Variants in LRRC8A observed in about 807,000 individuals in gnomAD.
LRRC8A encodes volume-regulated anion channel subunit LRRC8A.
LRRC8A carries 24 observed loss-of-function variants against 52.5 expected under a neutral mutation model. The ratio of observed to expected loss-of-function variants is 0.46; its 90% CI spans 0.33 to 0.64. The LOEUF (loss-of-function observed/expected upper bound fraction) is 0.64, where lower values mean the gene tolerates loss of function less well. Among genes scored for constraint, LRRC8A ranks in the 30% least tolerant of loss-of-function variants. The pLI is 0.02. For synonymous variants in LRRC8A, 492 were observed against 494.2 expected (o/e 1.00, Z 0.06); for missense variants, 677 against 1,094.7 (o/e 0.62, Z 5.38).
At position 128,916,291 on chromosome 9, in the gene LRRC8A, G is replaced by A. The variant is rs763795899; in HGVS notation, c.2353G>A (p.Val785Met). The change falls in exon 4 of 4, where the codon GTG becomes ATG. Residue 785 changes from valine (V) to methionine (M), a missense_variant. By Grantham distance (21) the Val-to-Met change is conservative. Transcript: ENST00000372600. This position sits in a 1 kb window ranked among gnomAD's most constrained non-coding sequence, Gnocchi z 6.1. ...ECPLLKRSGL[V>M]VEEDLFNTLP... Reference sequence around the variant, plus strand: ...CCCACTGCTCAAGCGCAGCGGCTTGGTGGTGGAGGAGGACCTGTTCAACAC... The same window carrying A: ...CCCACTGCTCAAGCGCAGCGGCTTGATGGTGGAGGAGGACCTGTTCAACAC... The A allele has an allele frequency of 1.9e-6, 3 of 1,613,490 alleles. No individual in the cohort carries two copies. Among genetic ancestry groups the A allele is most frequent in the Non-Finnish European group, 2.5e-6 (3 of 1,179,962 alleles).
rs141935260 is a variant in LRRC8A at position 128,911,980 on chromosome 9, C to T, written c.2157+2659C>T. On this transcript the variant is annotated intron_variant, in intron 3 of 3. Coordinates refer to ENST00000372600, the MANE Select transcript of LRRC8A (RefSeq NM_019594.4). The surrounding 1 kb of genome is among the most constrained non-coding windows in gnomAD (Gnocchi z 4.9). ...AGGAGGGGTGGGCGTGGCCTGCCCA[C>T]GCCCTTGCGTGCTGTTTCTCCAGAT... 2.6e-4 allele frequency among the ~76,000 whole-genome samples: 39 copies of T among 152,380 alleles called. No homozygotes were observed. The highest frequency in any genetic ancestry group is 4.1e-4 in the African/African-American group (17 of 41,592).
At position 128,916,426 on chromosome 9, in the gene LRRC8A, G is replaced by C; in HGVS notation, c.*55G>C. Reference sequence around the variant, plus strand: ...GGACCGCTGCCCAGTCCTCAGGCCCGGAGGGGCAGGCCTAGCTTCTCCCAG... The same window carrying C: ...GGACCGCTGCCCAGTCCTCAGGCCCCGAGGGGCAGGCCTAGCTTCTCCCAG... On this transcript the variant is annotated 3_prime_UTR_variant, in exon 4 of 4. Transcript: ENST00000372600. This position sits in a 1 kb window ranked among gnomAD's most constrained non-coding sequence, Gnocchi z 6.1. 2 of 1,549,892 alleles carry C rather than the reference G, an allele frequency of 1.3e-6. No homozygotes were observed. The highest frequency in any genetic ancestry group is 1.7e-6 in the Non-Finnish European group (2 of 1,147,230).
intron 2 of LRRC8A, among the ~76,000 whole-genome samples, chr9:128,905,087 A>G (rs1057422078): frequency 2.0e-5 from 3 of 151,062 alleles, no homozygotes; most frequent in Non-Finnish European, 4.4e-5. Context: ...AGGTAGGAGG[A>G]TTGCTTGACC....
intron 3 of LRRC8A, among the ~76,000 whole-genome samples, chr9:128,914,330 G>A (rs916412332): frequency 1.6e-4 from 25 of 152,060 alleles, no homozygotes; most frequent in Non-Finnish European, 3.7e-4. Flanking sequence ...GCTGGAGAGA[G>A]CAGGTGCCCG....
rs530273804 is a variant in LRRC8A at position 128,907,776 on chromosome 9, C to T, written c.612C>T (p.Asp204=). The change falls in exon 3 of 4, where the codon GAC becomes GAT. Residue 204 remains aspartate (D), a synonymous_variant. Transcript: ENST00000372600. The surrounding 1 kb of genome is among the most constrained non-coding windows in gnomAD (Gnocchi z 9.3). ...AAAAGTCATCGACCGTCAGTGAGGA[C>T]GTGGAGGCCACCGTGCCCATGCTGC... is the stretch of plus-strand genomic sequence containing the variant. The part of the protein sequence containing the change: ...MDKKSSTVSE[D]VEATVPMLQR... The T allele has an allele frequency of 3.7e-5, 60 of 1,613,874 alleles. No individual in the cohort carries two copies. The highest frequency in any genetic ancestry group is 8.9e-5 in the East Asian group (4 of 44,880).
chr9:128,891,366 C>G (rs936673540), intron 2 of LRRC8A, among the ~76,000 whole-genome samples: 1 of 151,928 alleles, frequency 6.6e-6, no homozygotes, highest in East Asian at 1.9e-4. Context: ...GAGTTCCAGA[C>G]CAGCCTGGGC....
chr9:128,896,807 C>T (rs574592686), intron 2 of LRRC8A, among the ~76,000 whole-genome samples: 167 of 152,234 alleles, frequency 1.1e-3, no homozygotes, highest in African/African-American at 3.9e-3. Context: ...CCGCAACCTC[C>T]GCCCCCTGAG....
chr9:128,891,224 A>T (rs1454194394), intron 2 of LRRC8A, among the ~76,000 whole-genome samples: 1 of 152,136 alleles, frequency 6.6e-6, no homozygotes, highest in Non-Finnish European at 1.5e-5. Flanking sequence ...GTGAGCCGAG[A>T]TTGTGCCACT....
intron 2 of LRRC8A, among the ~76,000 whole-genome samples, chr9:128,888,399 T>G (rs148010282): frequency 6.6e-6 from 1 of 152,034 alleles, no homozygotes; most frequent in Admixed American, 6.6e-5. Context: ...CTGAGACAAA[T>G]TGAGTCTGAG....
intron 2 of LRRC8A, among the ~76,000 whole-genome samples, chr9:128,901,469 A>T (rs1244739041): frequency 6.6e-6 from 1 of 151,996 alleles, no homozygotes; most frequent in Non-Finnish European, 1.5e-5. Flanking sequence ...TCAAAAAAAA[A>T]ATTTTTTTTT....
chr9:128,884,236 A>G (rs1453574207), intron 1 of LRRC8A, among the ~76,000 whole-genome samples: 2 of 152,144 alleles, frequency 1.3e-5, no homozygotes, highest in African/African-American at 4.8e-5. Context: ...GAGGGAAATC[A>G]GCCTGGTTCC....
In LRRC8A at chr9:128,916,513, A is replaced by G; in HGVS notation, c.*142A>G. 5.6e-6 allele frequency: 6 copies of G among 1,065,560 alleles called. No homozygotes were observed. Among genetic ancestry groups the G allele is most frequent in the Non-Finnish European group, 7.9e-6 (6 of 760,992 alleles). 66.0% of individuals were successfully genotyped at this position (1,065,560 alleles called of 1,614,324 possible). ...AGGAGCCTGGGGCCGCTTGTGAGTCAGGCCAGAGCGAGAGGACAGTATCTG... is the reference window on the plus strand; with the variant it reads ...AGGAGCCTGGGGCCGCTTGTGAGTCGGGCCAGAGCGAGAGGACAGTATCTG... On this transcript the variant is annotated 3_prime_UTR_variant, in exon 4 of 4. Coordinates refer to ENST00000372600, the MANE Select transcript of LRRC8A (RefSeq NM_019594.4). This position sits in a 1 kb window ranked among gnomAD's most constrained non-coding sequence, Gnocchi z 6.1.
intron 2 of LRRC8A, among the ~76,000 whole-genome samples, chr9:128,888,498 G>A (rs1480258036): frequency 6.6e-6 from 1 of 152,166 alleles, no homozygotes; most frequent in East Asian, 1.9e-4. Flanking sequence ...TCTGGAGGAA[G>A]TGTTGGTTGT....
chr9:128,889,458 G>A (rs1241246724), intron 2 of LRRC8A, among the ~76,000 whole-genome samples: 3 of 151,692 alleles, frequency 2.0e-5, no homozygotes, highest in Non-Finnish European at 4.4e-5. Flanking sequence ...GCTCCCCACA[G>A]GACTGGGACT....
rs1034187795 is a variant in LRRC8A, at chr9:128,916,740, C to T, written c.*369C>T. The T allele has an allele frequency of 1.5e-5, 3 of 196,554 alleles. No individual in the cohort carries two copies. Among genetic ancestry groups the T allele is most frequent in the Admixed American group, 5.4e-5 (1 of 18,562 alleles). The allele number at this position is 196,554 out of a possible 1,614,324, so 12.2% of individuals were successfully genotyped here. On this transcript the variant is annotated 3_prime_UTR_variant, in exon 4 of 4. Transcript: ENST00000372600. The surrounding 1 kb of genome is among the most constrained non-coding windows in gnomAD (Gnocchi z 6.1). ...GGTATTTATTTTTCTCCATCTCCCA[C>T]CTCCTTCATCCAGATAACTTATACA...
intron 2 of LRRC8A, among the ~76,000 whole-genome samples, chr9:128,898,590 G>A (rs143899681): frequency 7.4e-4 from 113 of 152,342 alleles, no homozygotes; most frequent in Non-Finnish European, 1.2e-3. Flanking sequence ...ACATCCACCC[G>A]CAGGCTCTGG....
At chr9:128,910,947 T>C (rs1010267569) in intron 3 of LRRC8A, among the ~76,000 whole-genome samples, 6 of 152,118 alleles carry the variant, frequency 3.9e-5, no homozygotes, top group African/African-American at 1.4e-4. Context: ...TCCCTGTTGG[T>C]TTCGTGGGCA....
chr9:128,902,664 G>T lies in LRRC8A; in HGVS notation c.-8-4493G>T, dbSNP rs1185273636. Among the ~76,000 whole-genome samples the T allele has an allele frequency of 6.6e-6, 1 of 152,112 alleles. No homozygotes were observed. The highest frequency in any genetic ancestry group is 1.5e-5 in the Non-Finnish European group (1 of 68,010). Reference sequence around the variant, plus strand: ...TCTGTTCCCCAGTCTTTAGGTCCTGGCCCTGGATGGGGACTCCAGGTGTCC... The same window carrying T: ...TCTGTTCCCCAGTCTTTAGGTCCTGTCCCTGGATGGGGACTCCAGGTGTCC... On this transcript the variant is annotated intron_variant, in intron 2 of 3. Transcript: ENST00000372600. The surrounding 1 kb of genome is among the most constrained non-coding windows in gnomAD (Gnocchi z 4.1).
rs774288961 is a variant in LRRC8A, at chr9:128,909,253, C to T, written c.2089C>T (p.Leu697=). 2 of 1,614,128 alleles carry T rather than the reference C, an allele frequency of 1.2e-6. No individual in the cohort carries two copies. Among genetic ancestry groups the T allele is most frequent in the Non-Finnish European group, 1.7e-6 (2 of 1,180,050 alleles). ...CTACCTGGACCTCAGCCACAACAAC[C>T]TGACCTTCCTCCCTGCCGACATCGG... is the stretch of plus-strand genomic sequence containing the variant. The part of the protein sequence containing the change: ...LRYLDLSHNN[L]TFLPADIGLL... The change falls in exon 3 of 4, where the codon CTG becomes TTG. Residue 697 remains leucine (L), a synonymous_variant. Transcript: ENST00000372600.
Sources: gnomAD v4.1 joint callset for allele counts (sites outside exome capture counted in the v4.1 genomes callset) on GRCh38, gnomAD v4.1.1 for gene constraint, Gnocchi (gnomAD v3.1) non-coding constraint, MANE v1.5 for transcripts, NCBI Gene and HGNC (gene_info 2026-07-23, HGNC 2026-07-21) for gene names.